PEX5: variants seen among roughly 807,000 people sequenced by gnomAD.
PEX5 encodes the protein PTS1 receptor.
In PEX5, 52 loss-of-function variants were observed where a neutral mutation model predicts 82.9. That is an observed-to-expected ratio of 0.63 (90% CI 0.50 to 0.79). The LOEUF (loss-of-function observed/expected upper bound fraction) is 0.79, where lower values mean the gene tolerates loss of function less well. Among genes scored for constraint, PEX5 ranks in the 30% least tolerant of loss-of-function variants. PEX5 has a pLI of 0.00. For synonymous variants in PEX5, 300 were observed against 318.8 expected (o/e 0.94, Z 0.63); for missense variants, 719 against 815.2 (o/e 0.88, Z 1.44).
rs1940836797 is a variant in PEX5 at position 7,190,504 on chromosome 12, G to T, written c.127G>T (p.Gly43Ter). Residue 43 changes from glycine to a stop codon, truncating the protein, a stop_gained, in exon 2 of 16, where the codon GGA becomes TGA. Transcript: ENST00000675855. LOFTEE classifies it high-confidence loss of function. ...ATTGAGGCCTGGCCCCTGGCCCCCC[G>T]GAGCCCCGGCCTCTGAGGCAGTGAG... The part of the protein sequence containing the change: ...EGLRPGPWPP[G>*]APASEAASKP... 1 of 1,612,614 alleles carries T rather than the reference G, an allele frequency of 6.2e-7. No individual in the cohort carries two copies.
rs746126360 is a variant in PEX5, at chr12:7,197,277, A to G, written c.449-1734A>G. On this transcript the variant is annotated intron_variant, in intron 5 of 15. Transcript: ENST00000675855. ...TATGTAATAATTATATATGTCATAT[A>G]TAATGTAATAATTATATATGTCATA... Among the ~76,000 whole-genome samples, 7 of 134,608 alleles carry G rather than the reference A, an allele frequency of 5.2e-5. No individual in the cohort carries two copies. The South Asian group carries it at 7.0e-4, about 13-fold the overall frequency. The allele number at this position is 134,608 out of a possible 152,430, so 88.3% of individuals were successfully genotyped here. A position where few individuals can be genotyped will look rare whatever the true frequency, so the allele number is the denominator to read the frequency against.
chr12:7,197,553 T>A, intron 5 of PEX5, among the ~76,000 whole-genome samples: 1 of 137,476 alleles, frequency 7.3e-6, no homozygotes, highest in East Asian at 2.1e-4. Flanking sequence ...ATATGTTATA[T>A]ATAATATAAT....
chr12:7,191,433 G>C, intron 4 of PEX5, 75 bp downstream of exon 4: 1 of 1,605,906 alleles, frequency 6.2e-7, no homozygotes, highest in Non-Finnish European at 8.5e-7. Context: ...TCCATTGGAT[G>C]CTGCTGGCAT....
At chr12:7,190,230 C>T in intron 1 of PEX5, 132 bp from the exon 2 acceptor site, 2 of 1,585,752 alleles carry the variant, frequency 1.3e-6, no homozygotes, top group Non-Finnish European at 1.7e-6. Context: ...GGGGTCGCAG[C>T]AAAAGCACTG....
chr12:7,191,025 C>A (rs1940997296), intron 3 of PEX5, 102 bp downstream of exon 3: 4 of 1,261,032 alleles, frequency 3.2e-6, no homozygotes, highest in Admixed American at 1.7e-5. Context: ...GCTTTCCTGA[C>A]CGAATGAGAA....
rs374590365 is a variant in PEX5 at position 7,190,440 on chromosome 12, C to G, written c.63C>G (p.Ala21=). ...CGGANPLMKL[A]GHFTQDKALR... ...GTGCCAACCCGCTCATGAAGCTCGC[C>G]GGGCACTTCACCCAGGACAAGGCCC... The change falls in exon 2 of 16, where the codon GCC becomes GCG. Residue 21 remains alanine (A), a synonymous_variant. Transcript: ENST00000675855. The G allele has an allele frequency of 6.2e-7, 1 of 1,614,184 alleles. No individual in the cohort carries two copies. Among genetic ancestry groups the G allele is most frequent in the Admixed American group, 1.7e-5 (1 of 60,034 alleles).
In PEX5 at chr12:7,191,019, T is replaced by C. The variant is rs995504415; in HGVS notation, c.183+96T>C. ...CACCCGTATTTCAATTTTTGGGCTT[T>C]CCTGACCGAATGAGAATGCCTGCTT... On this transcript the variant is annotated intron_variant, in intron 3 of 15. Coordinates refer to ENST00000675855, the MANE Select transcript of PEX5 (RefSeq NM_001351132.2). The C allele has an allele frequency of 1.6e-5, 21 of 1,305,146 alleles. No individual in the cohort carries two copies. The African/African-American group carries it at 2.3e-4, about 14-fold the overall frequency. 80.8% of individuals were successfully genotyped at this position (1,305,146 alleles called of 1,614,324 possible). A position where few individuals can be genotyped will look rare whatever the true frequency, so the allele number is the denominator to read the frequency against.
intron 5 of PEX5, among the ~76,000 whole-genome samples, chr12:7,194,724 G>A (rs1941786787): frequency 6.6e-6 from 1 of 152,186 alleles, no homozygotes; most frequent in Non-Finnish European, 1.5e-5. Flanking sequence ...GACATGGTAT[G>A]TGAGGTTCAT....
At chr12:7,215,447 T>C (rs1222719348), downstream of PEX5, among the ~76,000 whole-genome samples, 1 of 152,196 alleles carries the variant, frequency 6.6e-6, no homozygotes, top group Admixed American at 6.5e-5. Context: ...ACTCATATGT[T>C]CATTGCAGCA....
In PEX5 at chr12:7,209,136, ACT is replaced by A. The variant is rs1945198647; in HGVS notation, c.1527_1528del (p.Asp509GlufsTer12). On this transcript the variant is annotated frameshift_variant, in exon 14 of 16. Transcript: ENST00000675855. LOFTEE classifies it high-confidence loss of function. ...AGTGGGGAGTATGACAAGGCCGTGG[ACT>A]GCTTCACAGCTGCCCTCAGCGTTCG... 5 of 1,613,914 alleles carry A rather than the reference ACT, an allele frequency of 3.1e-6. No homozygotes were observed. The highest frequency in any genetic ancestry group is 4.2e-6 in the Non-Finnish European group (5 of 1,180,002).
chr12:7,209,523 C>A, intron 14 of PEX5, among the ~76,000 whole-genome samples, 160 bp from the exon 15 acceptor site: 1 of 34,654 alleles, frequency 2.9e-5, no homozygotes, highest in Non-Finnish European at 6.5e-5. Flanking sequence ...ATTGTAGCCA[C>A]ACACCGAACT....
rs1242502801 is a variant in PEX5, at chr12:7,208,568, G to A, written c.1293G>A (p.Arg431=). The A allele has an allele frequency of 5.0e-6, 8 of 1,613,998 alleles. No individual in the cohort carries two copies. In the Admixed American group the frequency reaches 6.7e-5, roughly 13 times the overall value. The stretch of plus-strand genomic sequence containing the variant: ...GTGAAACCCTACGAGACTGGCTGCG[G>A]TACACACCAGCCTATGCCCATCTGG... ...QACETLRDWL[R]YTPAYAHLVT... Residue 431 remains arginine (R), a synonymous_variant, in exon 13 of 16, where the codon CGG becomes CGA. Transcript: ENST00000675855.
chr12:7,209,379 C>G (rs1591801874), intron 14 of PEX5, among the ~76,000 whole-genome samples: 1 of 152,134 alleles, frequency 6.6e-6, no homozygotes, highest in South Asian at 2.1e-4. Flanking sequence ...ATAATTTGTT[C>G]AGACTTTTGG....
intron 5 of PEX5, among the ~76,000 whole-genome samples, chr12:7,192,932 C>T (rs1192453781): frequency 6.6e-6 from 1 of 152,190 alleles, no homozygotes; most frequent in Admixed American, 6.5e-5. Context: ...AGAGAAAAAT[C>T]CCAAATCTAA....
rs1315505000 is a variant in PEX5, at chr12:7,210,167, G to T, written c.1864G>T (p.Ala622Ser). 1.9e-6 allele frequency: 3 copies of T among 1,614,108 alleles called. No homozygotes were observed. In the African/African-American group the frequency reaches 4.0e-5, roughly 22 times the overall value. The change falls in exon 16 of 16, where the codon GCA becomes TCA. Residue 622 changes from alanine (A) to serine (S), a missense_variant. Physicochemically the swap from Ala to Ser is moderately conservative, Grantham distance 99 (BLOSUM62 1). Coordinates refer to ENST00000675855, the MANE Select transcript of PEX5 (RefSeq NM_001351132.2). ...SMLGQSDAYG[A>S]ADARDLSTLL... ...GTTAGGCCAGAGCGATGCCTATGGG[G>T]CAGCCGACGCGCGGGATCTGTCCAC...
chr12:7,200,320 C>G (rs1943625119), intron 6 of PEX5, among the ~76,000 whole-genome samples: 1 of 151,572 alleles, frequency 6.6e-6, no homozygotes, highest in African/African-American at 2.4e-5. Context: ...CTCCTCACTT[C>G]CTCGATGGGA....
intron 14 of PEX5, among the ~76,000 whole-genome samples, 182 bp downstream of exon 14, chr12:7,209,352 C>T (rs1945229447): frequency 6.6e-6 from 1 of 152,096 alleles, no homozygotes; most frequent in Non-Finnish European, 1.5e-5. Context: ...AGACCCTGCC[C>T]ACCCCCACAA....
intron 5 of PEX5, among the ~76,000 whole-genome samples, chr12:7,196,036 T>TATAATAC (rs1282627695): frequency 1.4e-5 from 2 of 142,302 alleles, no homozygotes; most frequent in Non-Finnish European, 3.1e-5. Context: ...TTATATATTA[T>TATAATAC]ATATATTATA....
At chr12:7,201,250 G>T (rs1943947079) in intron 6 of PEX5, among the ~76,000 whole-genome samples, 1 of 151,364 alleles carries the variant, frequency 6.6e-6, no homozygotes, top group African/African-American at 2.4e-5. Flanking sequence ...TAAACATGTA[G>T]ATACATGCGT....
Sources: gnomAD v4.1 joint callset for allele counts (sites outside exome capture counted in the v4.1 genomes callset) on GRCh38, gnomAD v4.1.1 for gene constraint, MANE v1.5 for transcripts, NCBI Gene and HGNC (gene_info 2026-07-23, HGNC 2026-07-21) for gene names.